PTTG1: variants seen among roughly 807,000 people sequenced by gnomAD.
PTTG1 encodes the protein PTTG1 regulator of sister chromatid separation, securin, also known as securin.
A neutral mutation model predicts 20.0 loss-of-function variants in PTTG1; 8 were observed. The ratio of observed to expected loss-of-function variants is 0.40; its 90% CI spans 0.23 to 0.72. The LOEUF (loss-of-function observed/expected upper bound fraction) is 0.72. PTTG1 is among the 30% of genes least tolerant of loss of function. The probability of loss-of-function intolerance (pLI) is 0.38; values close to 1 mark genes in which losing one functional copy is unlikely to be tolerated. For synonymous variants in PTTG1, 79 were observed against 87.2 expected, an observed-to-expected ratio of 0.91 and a Z score of 0.52; for missense variants, 197 against 236.0, an observed-to-expected ratio of 0.83 and a Z score of 1.08.
intron 5 of PTTG1, 31 bp from the exon 6 acceptor site, chr5:160,428,571 G>T: frequency 6.3e-7 from 1 of 1,592,630 alleles, no homozygotes. Flanking sequence ...AGGATTTGCA[G>T]AAATTTTAAT....
At chr5:160,421,991 T>G in intron 1 of PTTG1, 100 bp downstream of exon 1, 1 of 209,736 alleles carries the variant, frequency 4.8e-6, no homozygotes, top group East Asian at 1.2e-4. Flanking sequence ...GGGCTGGGGT[T>G]GGGGGACTGC....
intron 3 of PTTG1, chr5:160,423,107 C>T (rs1765746438): frequency 1.7e-6 from 1 of 578,892 alleles, no homozygotes; most frequent in Non-Finnish European, 3.0e-6. Flanking sequence ...ATATTTTTGC[C>T]TCATGCATAT....
chr5:160,426,228 T>C (rs1382183522), intron 4 of PTTG1, among the ~76,000 whole-genome samples: 2 of 152,208 alleles, frequency 1.3e-5, no homozygotes, highest in Non-Finnish European at 1.5e-5. Context: ...TTTTTTAACA[T>C]AAAATATTTT....
intron 1 of PTTG1, 166 bp downstream of exon 1, chr5:160,422,057 A>G: frequency 2.7e-6 from 1 of 368,994 alleles, no homozygotes; most frequent in East Asian, 5.2e-5. Flanking sequence ...TGCTAACTGG[A>G]CCAACGGCAA....
At chr5:160,426,294 T>C (rs1243465618) in intron 4 of PTTG1, among the ~76,000 whole-genome samples, 2 of 152,238 alleles carry the variant, frequency 1.3e-5, no homozygotes, top group African/African-American at 2.4e-5. Context: ...GAAAATTTGC[T>C]TTATTTGGCT....
chr5:160,428,024 C>A, intron 5 of PTTG1, 151 bp downstream of exon 5: 2 of 1,053,522 alleles, frequency 1.9e-6, no homozygotes, highest in Non-Finnish European at 2.7e-6. Flanking sequence ...ATAAACTATT[C>A]TCGATTAATA....
rs771783076 is a variant in PTTG1 at position 160,424,268 on chromosome 5, C to T, written c.308C>T (p.Ser103Phe). The change falls in exon 4 of 6, where the codon TCT (serine) becomes TTT (phenylalanine). Residue 103 changes from serine (S) to phenylalanine (F), a missense_variant. Ser to Phe is a radical substitution (Grantham distance 155, BLOSUM62 -2). Coordinates refer to ENST00000352433, the MANE Select transcript of PTTG1 (RefSeq NM_004219.4). ...GAGAAGACTGTTAAAGCAAAAAGCT[C>T]TGTTCCTGCCTCAGATGATGCCTAT... is the stretch of plus-strand genomic sequence containing the variant. ...MTEKTVKAKS[S>F]VPASDDAYPE... The T allele has an allele frequency of 3.1e-6, 5 of 1,612,824 alleles. No homozygotes were observed. In the South Asian group the frequency reaches 4.4e-5, roughly 14 times the overall value.
At chr5:160,422,000 G>A (rs1765719830) in intron 1 of PTTG1, 109 bp downstream of exon 1, 2 of 226,978 alleles carry the variant, frequency 8.8e-6, no homozygotes, top group African/African-American at 2.3e-5. Context: ...TTGGGGGACT[G>A]CCCGGGGCTT....
chr5:160,422,713 C>G lies in PTTG1; in HGVS notation c.96C>G (p.Ile32Met), dbSNP rs1035605262. 6 of 1,613,908 alleles carry G rather than the reference C, an allele frequency of 3.7e-6. No individual in the cohort carries two copies. The highest frequency in any genetic ancestry group is 3.4e-6 in the Non-Finnish European group (4 of 1,179,974). ...ATGGTAAGACTTTTTCTTCAGCAAT[C>G]AAAGCCTTAGATGGGAGATCTCAAG... is the stretch of plus-strand genomic sequence containing the variant. ...DGLKLGSGPS[I>M]KALDGRSQVS... The change falls in exon 3 of 6, where the codon ATC becomes ATG. Residue 32 changes from isoleucine to methionine, a missense_variant. By Grantham distance (10) the Ile-to-Met change is conservative. Transcript: ENST00000352433.
chr5:160,428,487 A>ATT, intron 5 of PTTG1, 115 bp from the exon 6 acceptor site: 3 of 912,358 alleles, frequency 3.3e-6, no homozygotes, highest in Non-Finnish European at 5.3e-6. Context: ...GATGCAGGTG[A>ATT]TTGATTTGAC....
Position 160,427,684 on chromosome 5 carries a change from C to T in PTTG1, c.371-31C>T, listed in dbSNP as rs748048630. ...CTACAGCCCACACTAAGAACTGCTG[C>T]CCTGACAAAAACGCTTTCTCTCTGT... On this transcript the variant is annotated intron_variant, in intron 4 of 5. Coordinates refer to ENST00000352433, the MANE Select transcript of PTTG1 (RefSeq NM_004219.4). 7 of 1,607,078 alleles carry T rather than the reference C, an allele frequency of 4.4e-6. No individual in the cohort carries two copies. In the South Asian group the frequency reaches 6.7e-5, roughly 15 times the overall value.
At chr5:160,422,181 T>G (rs1765723875) in intron 1 of PTTG1, 121 bp from the exon 2 acceptor site, 1 of 687,568 alleles carries the variant, frequency 1.5e-6, no homozygotes, top group South Asian at 1.7e-5. Flanking sequence ...CGCCCGTGAC[T>G]GTTCCGCTGT....
At chr5:160,424,429 C>A in intron 4 of PTTG1, 99 bp downstream of exon 4, 1 of 828,232 alleles carries the variant, frequency 1.2e-6, no homozygotes, top group Non-Finnish European at 1.9e-6. Context: ...TGACCAAAAA[C>A]TATGATGAGA....
At chr5:160,423,008 G>A (rs1005928642) in intron 3 of PTTG1, 115 bp downstream of exon 3, 7 of 1,100,918 alleles carry the variant, frequency 6.4e-6, no homozygotes, top group Non-Finnish European at 9.2e-6. Context: ...GGAAATAGAG[G>A]TTAGCAAGCA....
intron 3 of PTTG1, among the ~76,000 whole-genome samples, chr5:160,424,019 T>C (rs1765764519): frequency 6.6e-6 from 1 of 152,250 alleles, no homozygotes; most frequent in African/African-American, 2.4e-5. Flanking sequence ...TGATCACTTA[T>C]GCTGACAGGT....
At position 160,428,463 on chromosome 5, in the gene PTTG1, A is replaced by T. The variant is rs1335519179; in HGVS notation, c.530-139A>T. On this transcript the variant is annotated intron_variant, in intron 5 of 5. Coordinates refer to ENST00000352433, the MANE Select transcript of PTTG1 (RefSeq NM_004219.4). The stretch of plus-strand genomic sequence containing the variant: ...TGGGGCCACAGACACATTCCAAAAA[A>T]TGTGTCAGGAGGGGATGCAGGTGAT... The T allele has an allele frequency of 4.1e-6, 3 of 725,656 alleles. No homozygotes were observed. The African/African-American group carries it at 5.3e-5, about 13-fold the overall frequency. The allele number at this position is 725,656 out of a possible 1,614,324, so 45.0% of individuals were successfully genotyped here. A position where few individuals can be genotyped will look rare whatever the true frequency, so the allele number is the denominator to read the frequency against.
At chr5:160,428,536 CTA>C (rs1202093393) in intron 5 of PTTG1, 64 bp from the exon 6 acceptor site, 8 of 1,362,926 alleles carry the variant, frequency 5.9e-6, no homozygotes, top group Non-Finnish European at 8.4e-6. Flanking sequence ...CAGCTAATGT[CTA>C]TGTTGATATG....
rs138221856 is a variant in PTTG1, at chr5:160,421,970, G to GGCTGAAGCTGAA, written c.-12+89_-12+90insAAGCTGAAGCTG. The GGCTGAAGCTGAA allele has an allele frequency of 2.0e-5, 4 of 195,988 alleles. No homozygotes were observed. In the South Asian group the frequency reaches 2.6e-4, roughly 13 times the overall value. The allele number at this position is 195,988 out of a possible 1,614,324, so 12.1% of individuals were successfully genotyped here. A position where few individuals can be genotyped will look rare whatever the true frequency, so the allele number is the denominator to read the frequency against. On this transcript the variant is annotated intron_variant, in intron 1 of 5. Coordinates refer to ENST00000352433, the MANE Select transcript of PTTG1 (RefSeq NM_004219.4). ...GGAGGCGGGCTGCGGCTGCGGCTGG[G>GGCTGAAGCTGAA]GCTGAAGCTGGGGCTGGGGTTGGGG...
At position 160,422,785 on chromosome 5, in the gene PTTG1, AC is replaced by A. The variant is rs762255323; in HGVS notation, c.170del (p.Pro57LeufsTer19). On this transcript the variant is annotated frameshift_variant, in exon 3 of 6. Coordinates refer to ENST00000352433, the MANE Select transcript of PTTG1 (RefSeq NM_004219.4). LOFTEE classifies it high-confidence loss of function. ...AAACGTTCGATGCCCCACCAGCCTTACCTAAAGCTACTAGAAAGGCTTTGGG... is the reference window on the plus strand; with the variant it reads ...AAACGTTCGATGCCCCACCAGCCTTACTAAAGCTACTAGAAAGGCTTTGGG... ...GKTFDAPPAL[P>X]KATRKALGTV... is the part of the protein sequence containing the mutation. 4 of 1,614,150 alleles carry A rather than the reference AC, an allele frequency of 2.5e-6. No homozygotes were observed. The South Asian group carries it at 4.4e-5, about 18-fold the overall frequency.
Sources: gnomAD v4.1 joint callset for allele counts (sites outside exome capture counted in the v4.1 genomes callset) on GRCh38, gnomAD v4.1.1 for gene constraint, MANE v1.5 for transcripts, NCBI Gene and HGNC (gene_info 2026-07-23, HGNC 2026-07-21) for gene names.